The following TMEM117 variants were observed in gnomAD, a reference collection of about 807,000 sequenced individuals.
TMEM117 encodes the protein transmembrane protein 117.
A neutral mutation model predicts 52.4 loss-of-function variants in TMEM117; 27 were observed. The ratio of observed to expected loss-of-function variants is 0.51; its 90% confidence interval spans 0.38 to 0.71. The LOEUF (loss-of-function observed/expected upper bound fraction) is 0.71, where lower values mean the gene tolerates loss of function less well. Among genes scored for constraint, TMEM117 ranks in the 30% least tolerant of loss-of-function variants. TMEM117 has a pLI of 0.00. For missense variants in TMEM117, 556 were observed against 630.5 expected, an observed-to-expected ratio of 0.88 and a Z score of 1.26; for synonymous variants, 215 against 206.3, an observed-to-expected ratio of 1.04 and a Z score of -0.36.
chr12:44,274,644 A>C (rs1034620937), intron 5 of TMEM117, among the ~76,000 whole-genome samples: 4 of 152,152 alleles, frequency 2.6e-5, no homozygotes, highest in Non-Finnish European at 5.9e-5. Context: ...CCCAGAAACA[A>C]ATTCATACAG....
chr12:44,173,250 T>C (rs919387924), intron 4 of TMEM117, among the ~76,000 whole-genome samples: 2 of 152,150 alleles, frequency 1.3e-5, no homozygotes, highest in South Asian at 2.1e-4. Context: ...TAATTTTTTG[T>C]ATTTTTAGTA....
At chr12:44,292,650 G>A (rs967472380) in intron 5 of TMEM117, among the ~76,000 whole-genome samples, 3 of 151,856 alleles carry the variant, frequency 2.0e-5, no homozygotes, top group East Asian at 3.9e-4. Flanking sequence ...GTTTGGGTAC[G>A]TTCTGTTTTT....
chr12:44,299,621 T>A lies in TMEM117; in HGVS notation c.650T>A (p.Ile217Asn). 6.2e-7 allele frequency: 1 copy of A among 1,614,222 alleles called. No homozygotes were observed. Among genetic ancestry groups the A allele is most frequent in the South Asian group, 1.1e-5 (1 of 91,080 alleles). ...FTLTSVVVLV[I>N]TTDWISWDKL... ...CTGACGTCTGTGGTTGTACTTGTGATTACAACGGACTGGATCAGCTGGGAC... is the reference window on the plus strand; with the variant it reads ...CTGACGTCTGTGGTTGTACTTGTGAATACAACGGACTGGATCAGCTGGGAC... Residue 217 changes from isoleucine (I) to asparagine (N), a missense_variant, in exon 6 of 8, where the codon ATT (isoleucine) becomes AAT (asparagine). Transcript: ENST00000266534.
intron 4 of TMEM117, among the ~76,000 whole-genome samples, chr12:44,199,864 T>C (rs1047592419): frequency 6.6e-6 from 1 of 152,156 alleles, no homozygotes; most frequent in Non-Finnish European, 1.5e-5. Context: ...ACGCCTGTAA[T>C]ACCAGCACAT....
At chr12:44,239,144 C>T (rs1054311509) in intron 5 of TMEM117, among the ~76,000 whole-genome samples, 2 of 152,024 alleles carry the variant, frequency 1.3e-5, no homozygotes, top group African/African-American at 4.8e-5. Context: ...TGTCACAATC[C>T]GCTTTGTGAT....
intron 2 of TMEM117, among the ~76,000 whole-genome samples, chr12:43,852,601 A>G (rs1943329875): frequency 6.6e-6 from 1 of 152,226 alleles, no homozygotes; most frequent in Non-Finnish European, 1.5e-5. Flanking sequence ...CTCTGTCTCA[A>G]AAACAAACAA....
intron 5 of TMEM117, among the ~76,000 whole-genome samples, chr12:44,220,605 T>A (rs1336478918): frequency 3.9e-5 from 6 of 152,110 alleles, no homozygotes; most frequent in African/African-American, 1.4e-4. Context: ...CCTACCCAGA[T>A]CTTGGTCTCT....
chr12:44,215,159 A>G (rs1234475148), intron 5 of TMEM117, among the ~76,000 whole-genome samples: 3 of 152,240 alleles, frequency 2.0e-5, no homozygotes, highest in East Asian at 3.8e-4. Flanking sequence ...TTAAGTTGCA[A>G]TGTGACTATG....
intron 5 of TMEM117, among the ~76,000 whole-genome samples, chr12:44,219,298 T>C (rs780477785): frequency 2.5e-4 from 38 of 150,628 alleles, no homozygotes; most frequent in Non-Finnish European, 4.7e-4. Flanking sequence ...CTCCCTATAT[T>C]CTTTGTTGTT....
At chr12:43,898,056 A>G (rs984833229) in intron 2 of TMEM117, among the ~76,000 whole-genome samples, 19 of 151,792 alleles carry the variant, frequency 1.3e-4, no homozygotes, top group African/African-American at 4.6e-4. Context: ...ACGCACACAC[A>G]CACACACACA....
At chr12:44,241,799 A>G (rs1242038383) in intron 5 of TMEM117, among the ~76,000 whole-genome samples, 1 of 151,954 alleles carries the variant, frequency 6.6e-6, no homozygotes, top group East Asian at 1.9e-4. Flanking sequence ...GGCATTATAT[A>G]CTAATCTCTG....
chr12:44,223,413 C>G (rs944231194), intron 5 of TMEM117, among the ~76,000 whole-genome samples: 2 of 150,200 alleles, frequency 1.3e-5, no homozygotes, highest in Non-Finnish European at 3.0e-5. Flanking sequence ...CTCAACCCCC[C>G]AGACCTTACT....
At chr12:44,011,924 C>T (rs1225401882) in intron 3 of TMEM117, among the ~76,000 whole-genome samples, 1 of 152,172 alleles carries the variant, frequency 6.6e-6, no homozygotes, top group Non-Finnish European at 1.5e-5. Context: ...AGATGATTCA[C>T]TTCCCAGGAG....
At chr12:44,104,207 G>T (rs752547742) in intron 3 of TMEM117, among the ~76,000 whole-genome samples, 4 of 151,954 alleles carry the variant, frequency 2.6e-5, no homozygotes, top group South Asian at 2.1e-4. Flanking sequence ...AAAGTAGAAT[G>T]ATTAATTAGT....
the TMEM117 span, chr12:43,797,117 CAA>C: frequency 6.4e-7 from 1 of 1,569,540 alleles, no homozygotes; most frequent in Non-Finnish European, 8.7e-7. Context: ...CAAATAATAA[CAA>C]ATATAATTAG....
intron 6 of TMEM117, among the ~76,000 whole-genome samples, chr12:44,338,922 C>T (rs1439934768): frequency 1.3e-5 from 2 of 152,074 alleles, no homozygotes; most frequent in African/African-American, 4.8e-5. Context: ...CTGGGCATAG[C>T]TTCCAGGTAT....
At chr12:44,298,018 A>C (rs1950790122) in intron 5 of TMEM117, among the ~76,000 whole-genome samples, 1 of 152,200 alleles carries the variant, frequency 6.6e-6, no homozygotes, top group Non-Finnish European at 1.5e-5. Context: ...TTTTAATAAA[A>C]TAATGAGGTT....
chr12:43,895,061 G>C (rs1944175272), intron 2 of TMEM117, among the ~76,000 whole-genome samples: 1 of 152,128 alleles, frequency 6.6e-6, no homozygotes, highest in South Asian at 2.1e-4. Context: ...CTTGTGTCAT[G>C]GGGGTTTGTT....
At chr12:44,209,734 A>C (rs1368359985) in intron 4 of TMEM117, among the ~76,000 whole-genome samples, 1 of 152,238 alleles carries the variant, frequency 6.6e-6, no homozygotes, top group South Asian at 2.1e-4. Flanking sequence ...TGGGAACTCT[A>C]TTCCTAGAAA....
Sources: gnomAD v4.1 joint callset for allele counts (sites outside exome capture counted in the v4.1 genomes callset) on GRCh38, gnomAD v4.1.1 for gene constraint, MANE v1.5 for transcripts, NCBI Gene and HGNC (gene_info 2026-07-23, HGNC 2026-07-21) for gene names.